CWF19L2: variants seen among roughly 807,000 people sequenced by gnomAD.
The protein encoded by CWF19L2 is CWF19-like protein 2.
A neutral mutation model predicts 111.7 loss-of-function variants in CWF19L2; 98 were observed. The ratio of observed to expected loss-of-function variants is 0.88; its 90% confidence interval spans 0.75 to 1.04. The LOEUF (loss-of-function observed/expected upper bound fraction) is 1.04. Ranked by LOEUF, CWF19L2 falls within the 50% of genes least tolerant of loss-of-function variation. The pLI, the probability that CWF19L2 is intolerant of heterozygous loss-of-function variation, is 0.00. For missense variants in CWF19L2, 1,101 were observed against 1,051.4 expected, an observed-to-expected ratio of 1.05 and a Z score of -0.65; for synonymous variants, 351 against 342.9, an observed-to-expected ratio of 1.02 and a Z score of -0.26.
chr11:107,392,202 G>A (rs931565287), intron 11 of CWF19L2, among the ~76,000 whole-genome samples: 1 of 152,034 alleles, frequency 6.6e-6, no homozygotes, highest in East Asian at 1.9e-4. Flanking sequence ...CAGTTCTTTT[G>A]TATATGCAAT....
At chr11:107,392,662 C>T (rs1362562218) in intron 11 of CWF19L2, 117 bp downstream of exon 11, 3 of 569,888 alleles carry the variant, frequency 5.3e-6, no homozygotes, top group Non-Finnish European at 9.0e-6. Flanking sequence ...TTCCTACCTT[C>T]CAATATTGGC....
intron 3 of CWF19L2, among the ~76,000 whole-genome samples, chr11:107,448,901 C>T (rs1360931670): frequency 6.6e-6 from 1 of 151,864 alleles, no homozygotes; most frequent in Non-Finnish European, 1.5e-5. Context: ...TATAATCCAC[C>T]CAGTTAGTTT....
At chr11:107,399,414 G>A (rs1031112958) in intron 10 of CWF19L2, among the ~76,000 whole-genome samples, 1 of 152,202 alleles carries the variant, frequency 6.6e-6, no homozygotes, top group African/African-American at 2.4e-5. Context: ...AAGTGAGGAG[G>A]AGTAGCTATT....
At chr11:107,394,805 G>A (rs935560180) in intron 10 of CWF19L2, among the ~76,000 whole-genome samples, 10 of 151,932 alleles carry the variant, frequency 6.6e-5, no homozygotes, top group African/African-American at 2.4e-4. Context: ...CAGCCCTTCA[G>A]CCTGAAACCT....
chr11:107,448,399 A>G (rs992036172), intron 3 of CWF19L2, among the ~76,000 whole-genome samples: 7 of 151,598 alleles, frequency 4.6e-5, no homozygotes, highest in Non-Finnish European at 8.8e-5. Flanking sequence ...ACGACATAGC[A>G]ATAAAATATA....
intron 10 of CWF19L2, among the ~76,000 whole-genome samples, chr11:107,393,211 C>G (rs375320298): frequency 6.6e-6 from 1 of 152,068 alleles, no homozygotes; most frequent in South Asian, 2.1e-4. Context: ...ATCACTTATG[C>G]AGTAGATGTA....
intron 12 of CWF19L2, among the ~76,000 whole-genome samples, chr11:107,360,988 C>T (rs549962575): frequency 1.1e-3 from 174 of 152,262 alleles, no homozygotes; most frequent in Non-Finnish European, 2.0e-3. Flanking sequence ...GTTTTTATTG[C>T]TCAGGCTTTT....
chr11:107,369,412 C>G (rs1344848413), intron 12 of CWF19L2, among the ~76,000 whole-genome samples: 1 of 137,060 alleles, frequency 7.3e-6, no homozygotes, highest in Non-Finnish European at 1.6e-5. Context: ...AAAAGCTAGG[C>G]TACAATCCAT....
intron 12 of CWF19L2, among the ~76,000 whole-genome samples, chr11:107,387,350 G>A (rs917368121): frequency 2.6e-5 from 4 of 151,592 alleles, no homozygotes; most frequent in Admixed American, 2.6e-4. Context: ...GTGATCTCCT[G>A]CTTCCACTAA....
At chr11:107,376,434 T>A (rs1190430096) in intron 12 of CWF19L2, among the ~76,000 whole-genome samples, 1 of 99,016 alleles carries the variant, frequency 1.0e-5, no homozygotes, top group Non-Finnish European at 1.9e-5. Flanking sequence ...ATGGGCTTCA[T>A]CCCTGGGATG....
chr11:107,373,111 G>A (rs577117046), intron 12 of CWF19L2, among the ~76,000 whole-genome samples: 2 of 52,990 alleles, frequency 3.8e-5, no homozygotes, highest in East Asian at 4.7e-4. Flanking sequence ...CACCTGGCTC[G>A]GAGGGTCCTA....
chr11:107,453,118 G>A lies in CWF19L2; in HGVS notation c.339+1332C>T, dbSNP rs12272762. On this transcript the variant is annotated intron_variant, in intron 3 of 17. Transcript: ENST00000282251. The stretch of plus-strand genomic sequence containing the variant: ...AAAAAAGAAAATATTTAATAAATCA[G>A]ATTTCACAAAGACATGGAATGCCCT... Among the ~76,000 whole-genome samples, 656 of 152,262 alleles carry A rather than the reference G, an allele frequency of 4.3e-3. 3 individuals are homozygous for A. Among genetic ancestry groups the A allele is most frequent in the African/African-American group, 0.014 (583 of 41,556 alleles).
At chr11:107,333,614 G>C (rs1367135765) in intron 16 of CWF19L2, among the ~76,000 whole-genome samples, 6 of 152,122 alleles carry the variant, frequency 3.9e-5, no homozygotes, top group Non-Finnish European at 4.4e-5. Context: ...TTTTTGTTTT[G>C]TTTTACTTTG....
intron 12 of CWF19L2, among the ~76,000 whole-genome samples, chr11:107,382,398 A>G (rs1049792549): frequency 1.1e-4 from 16 of 152,200 alleles, no homozygotes; most frequent in African/African-American, 3.4e-4. Context: ...GGGGACTAGG[A>G]AAGTTACTTA....
chr11:107,395,485 C>A (rs1860909259), intron 10 of CWF19L2, among the ~76,000 whole-genome samples: 1 of 152,092 alleles, frequency 6.6e-6, no homozygotes, highest in African/African-American at 2.4e-5. Flanking sequence ...TTTCATTTTT[C>A]TATGATTATT....
chr11:107,424,965 G>A (rs1187779148), intron 8 of CWF19L2, among the ~76,000 whole-genome samples: 1 of 151,674 alleles, frequency 6.6e-6, no homozygotes, highest in African/African-American at 2.4e-5. Flanking sequence ...AAACATCAGG[G>A]AATGGGCTCT....
intron 1 of CWF19L2, 66 bp from the exon 2 acceptor site, chr11:107,455,842 A>G: frequency 1.1e-6 from 1 of 898,574 alleles, no homozygotes. Flanking sequence ...AAAAAAAGGA[A>G]AACAAAAACC....
intron 8 of CWF19L2, among the ~76,000 whole-genome samples, chr11:107,424,661 T>C (rs1861349897): frequency 1.3e-5 from 2 of 151,976 alleles, no homozygotes; most frequent in African/African-American, 2.4e-5. Context: ...AATAGATCTT[T>C]AAAAGAGGTG....
chr11:107,405,236 G>T (rs992718888), intron 10 of CWF19L2, among the ~76,000 whole-genome samples: 17 of 152,284 alleles, frequency 1.1e-4, no homozygotes, highest in South Asian at 4.1e-4. Flanking sequence ...ATCTATGGCT[G>T]CCTTCATGAT....
Sources: allele counts gnomAD v4.1 joint callset (sites outside exome capture counted in the v4.1 genomes callset), GRCh38; gene constraint gnomAD v4.1.1; transcripts MANE v1.5; gene names NCBI Gene and HGNC (gene_info 2026-07-23, HGNC 2026-07-21).